SMIM35: variants seen among roughly 807,000 people sequenced by gnomAD.
The protein encoded by SMIM35 is small integral membrane protein 35, also known as TMPRSS4 antisense RNA 1 (non-protein coding).
chr11:118,009,885 A>C (rs536660054), intron 4 of SMIM35, among the ~76,000 whole-genome samples: 1 of 152,360 alleles, frequency 6.6e-6, no homozygotes, highest in East Asian at 1.9e-4. Context: ...ACATCAGGGC[A>C]GGGTCAGAAC....
chr11:118,081,418 C>T (rs768562388), intron 1 of SMIM35, among the ~76,000 whole-genome samples: 4 of 152,212 alleles, frequency 2.6e-5, no homozygotes, highest in Non-Finnish European at 4.4e-5. Context: ...CTAACCAGCA[C>T]GTCGGCAGCT....
chr11:118,035,768 G>T (rs1258113966), intron 1 of SMIM35, among the ~76,000 whole-genome samples: 1 of 152,206 alleles, frequency 6.6e-6, no homozygotes, highest in Non-Finnish European at 1.5e-5. Context: ...TCAGCATGGG[G>T]GATCCTCCAG....
At chr11:118,016,104 C>A (rs2058181031) in intron 1 of SMIM35, among the ~76,000 whole-genome samples, 1 of 152,164 alleles carries the variant, frequency 6.6e-6, no homozygotes, top group Non-Finnish European at 1.5e-5. Flanking sequence ...CTGGAAAAAG[C>A]TCTACCTGTG....
chr11:118,010,411 A>G (rs1306218502), intron 4 of SMIM35, among the ~76,000 whole-genome samples: 1 of 152,038 alleles, frequency 6.6e-6, no homozygotes, highest in Non-Finnish European at 1.5e-5. Context: ...ATTTTGATCA[A>G]TTTTCTAGGA....
At chr11:118,039,807 T>C (rs927173140) in intron 1 of SMIM35, among the ~76,000 whole-genome samples, 12 of 151,126 alleles carry the variant, frequency 7.9e-5, no homozygotes, top group Non-Finnish European at 1.5e-5. Flanking sequence ...TCCCAGCAAT[T>C]TGGGAGGCCG....
chr11:118,073,762 C>T (rs1412057515), intron 1 of SMIM35, among the ~76,000 whole-genome samples: 1 of 152,238 alleles, frequency 6.6e-6, no homozygotes, highest in Non-Finnish European at 1.5e-5. Context: ...CCCATGGACA[C>T]CAGCGAGTTC....
At chr11:118,049,900 G>C (rs1389983897) in intron 1 of SMIM35, among the ~76,000 whole-genome samples, 1 of 152,084 alleles carries the variant, frequency 6.6e-6, no homozygotes, top group Non-Finnish European at 1.5e-5. Flanking sequence ...GATGCTGAGG[G>C]AGGATAGTCA....
chr11:118,029,716 C>T, intron 1 of SMIM35: 1 of 457,446 alleles, frequency 2.2e-6, no homozygotes, highest in South Asian at 1.5e-5. Context: ...TCGTTACACC[C>T]TACCCTCTGC....
chr11:118,060,659 C>A (rs1329553922), intron 1 of SMIM35, among the ~76,000 whole-genome samples: 1 of 152,042 alleles, frequency 6.6e-6, no homozygotes, highest in Non-Finnish European at 1.5e-5. Flanking sequence ...AGAGCAACTG[C>A]AAATGGCTGT....
At chr11:118,060,985 G>T (rs1280013121) in intron 1 of SMIM35, among the ~76,000 whole-genome samples, 2 of 152,232 alleles carry the variant, frequency 1.3e-5, no homozygotes, top group Non-Finnish European at 2.9e-5. Context: ...ACAGTGTCCT[G>T]GTTGCAGGTT....
intron 1 of SMIM35, among the ~76,000 whole-genome samples, chr11:118,022,373 T>C (rs2058238147): frequency 6.6e-6 from 1 of 152,094 alleles, no homozygotes; most frequent in Non-Finnish European, 1.5e-5. Flanking sequence ...AGTAAGTAAA[T>C]CTCAATAAAT....
intron 1 of SMIM35, among the ~76,000 whole-genome samples, chr11:118,061,641 C>A (rs1944397279): frequency 2.0e-5 from 3 of 152,098 alleles, no homozygotes; most frequent in African/African-American, 7.2e-5. Flanking sequence ...ACAGAGGCAA[C>A]CTCTGTTAAG....
rs1359110012 is a variant in SMIM35, at chr11:118,049,546, G to T, written c.8-33737C>A. On this transcript the variant is annotated intron_variant, in intron 1 of 4. Transcript: ENST00000689828. The stretch of plus-strand genomic sequence containing the variant: ...GTATTTTTAGTAGAGACGGGGTTTT[G>T]CCATGTTGGCCAGGCTGGTCTCGAA... Among the ~76,000 whole-genome samples the T allele has an allele frequency of 2.0e-5, 3 of 151,422 alleles. No individual in the cohort carries two copies. The East Asian group carries it at 5.8e-4, about 29-fold the overall frequency.
At chr11:118,007,940 G>A (rs1291164065) in intron 4 of SMIM35, among the ~76,000 whole-genome samples, 1 of 150,788 alleles carries the variant, frequency 6.6e-6, no homozygotes, top group African/African-American at 2.4e-5. Context: ...CACAATCTCA[G>A]CTCTCTGCAA....
chr11:118,063,972 A>T (rs1944430430), intron 1 of SMIM35, among the ~76,000 whole-genome samples: 2 of 152,232 alleles, frequency 1.3e-5, no homozygotes. Flanking sequence ...TGGGAACCCC[A>T]AATGAAGAAC....
At chr11:118,083,172 G>T (rs552708049) in intron 1 of SMIM35, among the ~76,000 whole-genome samples, 55 of 152,318 alleles carry the variant, frequency 3.6e-4, no homozygotes, top group African/African-American at 1.2e-3. Context: ...TCACACATCT[G>T]TTTCTAGAAG....
intron 1 of SMIM35, among the ~76,000 whole-genome samples, chr11:118,079,559 C>T (rs1296200253): frequency 6.6e-6 from 1 of 152,192 alleles, no homozygotes; most frequent in Non-Finnish European, 1.5e-5. Flanking sequence ...GACTGGTTAT[C>T]CTGGCCTTGA....
At chr11:118,025,887 T>C in intron 1 of SMIM35, 1 of 390,696 alleles carries the variant, frequency 2.6e-6, no homozygotes, top group South Asian at 2.0e-5. Context: ...TCCAGAATGG[T>C]ATTTTCTAGC....
intron 1 of SMIM35, chr11:118,028,974 G>A (rs1262255175): frequency 4.1e-5 from 16 of 386,628 alleles, no homozygotes; most frequent in Admixed American, 1.0e-4. Context: ...ATGTTGTTTC[G>A]GGTAAAAATA....
Sources: gnomAD v4.1 joint callset for allele counts (sites outside exome capture counted in the v4.1 genomes callset) on GRCh38, gnomAD v4.1.1 for gene constraint, MANE v1.5 for transcripts, NCBI Gene and HGNC (gene_info 2026-07-23, HGNC 2026-07-21) for gene names.